Variants in FOXN3 observed in about 807,000 individuals in gnomAD.
The protein encoded by FOXN3 is forkhead box protein N3.
A neutral mutation model predicts 38.4 loss-of-function variants in FOXN3; 7 were observed. The ratio of observed to expected loss-of-function variants is 0.18; its 90% CI spans 0.10 to 0.34. FOXN3 has a LOEUF of 0.34. FOXN3 is among the 10% of genes least tolerant of loss of function. The pLI is 1.00. For missense variants in FOXN3, 456 were observed against 613.4 expected (o/e 0.74, Z 2.71); for synonymous variants, 230 against 242.2 (o/e 0.95, Z 0.47).
chr14:89,423,968 C>T (rs989982444), intron 1 of FOXN3, among the ~76,000 whole-genome samples: 1 of 152,158 alleles, frequency 6.6e-6, no homozygotes, highest in Admixed American at 6.5e-5. Context: ...AGGACTCCAG[C>T]CTATTAGATT....
rs1242477471 is a variant in FOXN3 at position 89,163,539 on chromosome 14, A to T, written c.852-570T>A. Among the ~76,000 whole-genome samples, 1 of 152,062 alleles carries T rather than the reference A, an allele frequency of 6.6e-6. No homozygotes were observed. Among genetic ancestry groups the T allele is most frequent in the Non-Finnish European group, 1.5e-5 (1 of 67,982 alleles). On this transcript the variant is annotated intron_variant, in intron 5 of 5. Transcript: ENST00000557258. The surrounding 1 kb of genome is among the most constrained non-coding windows in gnomAD (Gnocchi z 4.3). ...GCGCCTAACAGAAATGCATGACCTT[A>T]GGGAGGGTTCTGGGGGAGGGACACG...
At chr14:89,189,142 A>C (rs990531839) in intron 4 of FOXN3, among the ~76,000 whole-genome samples, 3 of 152,170 alleles carry the variant, frequency 2.0e-5, no homozygotes, top group African/African-American at 4.8e-5. Flanking sequence ...AATAGGAACA[A>C]ATAAGAAAGG....
At chr14:89,387,341 G>A (rs1483370299) in intron 2 of FOXN3, among the ~76,000 whole-genome samples, 1 of 151,782 alleles carries the variant, frequency 6.6e-6, no homozygotes, top group Non-Finnish European at 1.5e-5. Flanking sequence ...TGAAGGAAAT[G>A]ACCGTCAGTA....
chr14:89,511,881 G>A (rs1462735179), intron 1 of FOXN3, among the ~76,000 whole-genome samples: 1 of 152,160 alleles, frequency 6.6e-6, no homozygotes, highest in Admixed American at 6.5e-5. Context: ...CAGCAAAGGA[G>A]GAAGCCTCTT....
chr14:89,415,009 CT>C (rs1891655810), intron 1 of FOXN3, among the ~76,000 whole-genome samples: 1 of 152,184 alleles, frequency 6.6e-6, no homozygotes, highest in South Asian at 2.1e-4. Context: ...AAGCTAGCAT[CT>C]TTTGGCTTGG....
At chr14:89,307,057 T>C (rs1887400097) in intron 3 of FOXN3, among the ~76,000 whole-genome samples, 2 of 152,304 alleles carry the variant, frequency 1.3e-5, no homozygotes, top group East Asian at 1.9e-4. Context: ...TGATTTTGGA[T>C]TAACTTTAAA....
At chr14:89,415,481 G>C (rs1243305591) in intron 1 of FOXN3, among the ~76,000 whole-genome samples, 1 of 151,796 alleles carries the variant, frequency 6.6e-6, no homozygotes. Flanking sequence ...TGCGTTTTGT[G>C]CTGGGACCCC....
chr14:89,391,990 A>C (rs574721947), intron 2 of FOXN3, among the ~76,000 whole-genome samples: 5 of 152,274 alleles, frequency 3.3e-5, no homozygotes, highest in African/African-American at 9.6e-5. Flanking sequence ...CTGGAACCCT[A>C]TAAACTCTTT....
chr14:89,496,177 C>T (rs1015651074), intron 1 of FOXN3, among the ~76,000 whole-genome samples: 2 of 152,262 alleles, frequency 1.3e-5, no homozygotes, highest in Non-Finnish European at 2.9e-5. Context: ...GGCACCATTA[C>T]ACTACAGCCT....
chr14:89,453,291 T>C (rs1360682346), intron 1 of FOXN3, among the ~76,000 whole-genome samples: 1 of 151,728 alleles, frequency 6.6e-6, no homozygotes, highest in Non-Finnish European at 1.5e-5. Context: ...GCTCGGTGGC[T>C]CAAGCCTGTA....
At chr14:89,166,428 T>A (rs369744224) in intron 5 of FOXN3, among the ~76,000 whole-genome samples, 16 of 150,498 alleles carry the variant, frequency 1.1e-4, no homozygotes. Flanking sequence ...GCCAACAGAG[T>A]CCATGACCCA....
intron 3 of FOXN3, among the ~76,000 whole-genome samples, chr14:89,285,901 C>G (rs1225188760): frequency 1.4e-5 from 2 of 147,872 alleles, no homozygotes; most frequent in African/African-American, 5.1e-5. Context: ...GGGTCTTGCT[C>G]TGTCACACAG....
At chr14:89,192,486 TATA>T (rs1214888144) in intron 4 of FOXN3, among the ~76,000 whole-genome samples, 1 of 141,310 alleles carries the variant, frequency 7.1e-6, no homozygotes, top group East Asian at 2.0e-4. Context: ...TACTATTACA[TATA>T]ATAGTTAACA....
chr14:89,615,798 A>G (rs951574170), intron 1 of FOXN3, among the ~76,000 whole-genome samples: 3 of 152,222 alleles, frequency 2.0e-5, no homozygotes, highest in African/African-American at 7.2e-5. Context: ...CATGTTGTCA[A>G]ATATTTAACT....
At chr14:89,213,229 T>C (rs936194400) in intron 4 of FOXN3, among the ~76,000 whole-genome samples, 1 of 152,178 alleles carries the variant, frequency 6.6e-6, no homozygotes, top group African/African-American at 2.4e-5. Context: ...AATCCTTGCC[T>C]TTCACCAAGG....
intron 1 of FOXN3, among the ~76,000 whole-genome samples, chr14:89,531,163 A>G (rs1410975999): frequency 2.0e-5 from 3 of 150,542 alleles, no homozygotes; most frequent in South Asian, 2.1e-4. Flanking sequence ...ACATATATAT[A>G]TGTGTATAAA....
chr14:89,407,741 C>CTAAG (rs1891432848), intron 2 of FOXN3, among the ~76,000 whole-genome samples: 1 of 152,058 alleles, frequency 6.6e-6, no homozygotes, highest in Non-Finnish European at 1.5e-5. Flanking sequence ...GAGGCTAAGG[C>CTAAG]TAAGGCTTGA....
chr14:89,304,219 G>T (rs1408545895), intron 3 of FOXN3, among the ~76,000 whole-genome samples: 1 of 152,188 alleles, frequency 6.6e-6, no homozygotes, highest in Non-Finnish European at 1.5e-5. Context: ...AGTTCAGCTC[G>T]TAGTAAAAAT....
At chr14:89,480,120 G>A (rs182473402) in intron 1 of FOXN3, among the ~76,000 whole-genome samples, 112 of 152,270 alleles carry the variant, frequency 7.4e-4, no homozygotes, top group South Asian at 1.4e-3. Flanking sequence ...AAAAGCTTGG[G>A]CGTCTGAACA....
Sources: gnomAD v4.1 joint callset for allele counts (sites outside exome capture counted in the v4.1 genomes callset) on GRCh38, gnomAD v4.1.1 for gene constraint, Gnocchi (gnomAD v3.1) non-coding constraint, MANE v1.5 for transcripts, NCBI Gene and HGNC (gene_info 2026-07-23, HGNC 2026-07-21) for gene names.